The following RSF1 variants were observed in gnomAD, a reference collection of about 807,000 sequenced individuals.
RSF1 encodes HBV pX-associated protein 8.
In RSF1, 13 loss-of-function variants were observed where a neutral mutation model predicts 145.2. The observed-to-expected ratio is 0.09, with a 90% confidence interval of 0.06 to 0.14. The LOEUF is 0.14. Among genes scored for constraint, RSF1 ranks in the 10% least tolerant of loss-of-function variants. RSF1 has a pLI of 1.00. For synonymous variants in RSF1, 577 were observed against 592.6 expected, an observed-to-expected ratio of 0.97 and a Z score of 0.38; for missense variants, 1,517 against 1,718.2, an observed-to-expected ratio of 0.88 and a Z score of 2.07.
chr11:77,801,147 G>A (rs1012534807), intron 1 of RSF1, among the ~76,000 whole-genome samples: 10 of 152,140 alleles, frequency 6.6e-5, no homozygotes, highest in African/African-American at 2.2e-4. Context: ...CATGGTTGGG[G>A]CTGGGCTCAG....
chr11:77,845,409 G>A, the RSF1 span, among the ~76,000 whole-genome samples: 1 of 151,540 alleles, frequency 6.6e-6, no homozygotes, highest in South Asian at 2.1e-4. Flanking sequence ...GTACTTTCCA[G>A]CTCCAGAATT....
intron 1 of RSF1, among the ~76,000 whole-genome samples, chr11:77,797,873 G>C (rs369582398): frequency 6.6e-6 from 1 of 152,120 alleles, no homozygotes; most frequent in African/African-American, 2.4e-5. Flanking sequence ...CTTCTCAAAA[G>C]AAGACATTTA....
chr11:77,784,697 T>C (rs1948437312), intron 1 of RSF1, among the ~76,000 whole-genome samples: 1 of 152,214 alleles, frequency 6.6e-6, no homozygotes, highest in Non-Finnish European at 1.5e-5. Flanking sequence ...CTTATCTTTT[T>C]AAGGCCTTTT....
intron 5 of RSF1, among the ~76,000 whole-genome samples, chr11:77,707,296 T>C (rs991728272): frequency 6.6e-6 from 1 of 152,208 alleles, no homozygotes; most frequent in African/African-American, 2.4e-5. Flanking sequence ...ATAACATCAA[T>C]ACTTTTCATG....
chr11:77,846,072 C>T, the RSF1 span, among the ~76,000 whole-genome samples: 1 of 152,054 alleles, frequency 6.6e-6, no homozygotes, highest in Non-Finnish European at 1.5e-5. Flanking sequence ...ATCAACTCCC[C>T]CTCCCATTCT....
At chr11:77,760,436 C>G (rs1373527155) in intron 2 of RSF1, among the ~76,000 whole-genome samples, 1 of 152,144 alleles carries the variant, frequency 6.6e-6, no homozygotes, top group African/African-American at 2.4e-5. Context: ...TGATTGATAA[C>G]AGATACAAGG....
At chr11:77,682,916 A>T (rs1214468620) in intron 11 of RSF1, among the ~76,000 whole-genome samples, 3 of 152,204 alleles carry the variant, frequency 2.0e-5, no homozygotes, top group Non-Finnish European at 4.4e-5. Flanking sequence ...AAATGCAGAG[A>T]GTGTAAGGGA....
intron 15 of RSF1, among the ~76,000 whole-genome samples, chr11:77,670,465 T>C (rs1050979386): frequency 6.6e-6 from 1 of 152,168 alleles, no homozygotes; most frequent in African/African-American, 2.4e-5. Context: ...TTCTCCTTTA[T>C]TTTTTTCCAA....
At chr11:77,690,352 A>G (rs1405512102) in intron 9 of RSF1, among the ~76,000 whole-genome samples, 2 of 152,148 alleles carry the variant, frequency 1.3e-5, no homozygotes, top group Non-Finnish European at 2.9e-5. Context: ...ACCAGTTCTT[A>G]TAGTTTTTTT....
At chr11:77,747,011 CTG>C in intron 3 of RSF1, 23 bp downstream of exon 3, 2 of 1,396,406 alleles carry the variant, frequency 1.4e-6, no homozygotes, top group South Asian at 1.2e-5. Context: ...ATTAAAATAA[CTG>C]TAACAAATAA....
chr11:77,819,191 A>G (rs906865691), intron 1 of RSF1, among the ~76,000 whole-genome samples: 2 of 152,258 alleles, frequency 1.3e-5, no homozygotes, highest in African/African-American at 4.8e-5. Flanking sequence ...GGAAACAGCT[A>G]TCTGTCTTGT....
intron 2 of RSF1, among the ~76,000 whole-genome samples, chr11:77,750,065 G>A (rs1009690368): frequency 6.6e-6 from 1 of 151,576 alleles, no homozygotes; most frequent in Non-Finnish European, 1.5e-5. Flanking sequence ...TTTCTTTAAG[G>A]GCAATTTAGA....
At chr11:77,708,161 T>C (rs984352416) in intron 5 of RSF1, among the ~76,000 whole-genome samples, 2 of 152,196 alleles carry the variant, frequency 1.3e-5, no homozygotes, top group African/African-American at 4.8e-5. Flanking sequence ...GGCTCACGCC[T>C]GTAATCCCAG....
intron 13 of RSF1, among the ~76,000 whole-genome samples, chr11:77,676,230 T>C (rs1345793176): frequency 6.6e-6 from 1 of 152,228 alleles, no homozygotes; most frequent in Admixed American, 6.5e-5. Flanking sequence ...CTTTCCTCTG[T>C]AGCCTAATTT....
upstream of RSF1, among the ~76,000 whole-genome samples, chr11:77,822,434 AAG>A (rs1555004652): frequency 2.0e-5 from 3 of 151,272 alleles, no homozygotes; most frequent in Non-Finnish European, 2.9e-5. Flanking sequence ...AAAAAAAAAA[AAG>A]AATTTGAAGC....
At chr11:77,669,033 C>A (rs187701938) in intron 15 of RSF1, among the ~76,000 whole-genome samples, 2 of 152,274 alleles carry the variant, frequency 1.3e-5, no homozygotes, top group African/African-American at 4.8e-5. Flanking sequence ...TAAAACTGGG[C>A]TCCTAAACTT....
intron 1 of RSF1, among the ~76,000 whole-genome samples, chr11:77,785,745 G>A (rs1292462525): frequency 1.4e-5 from 2 of 146,874 alleles, no homozygotes; most frequent in Non-Finnish European, 1.5e-5. Context: ...GTGAAACCCC[G>A]TCTCTACTGA....
At chr11:77,780,681 C>T (rs1445775064) in intron 1 of RSF1, among the ~76,000 whole-genome samples, 8 of 151,922 alleles carry the variant, frequency 5.3e-5, no homozygotes, top group African/African-American at 1.7e-4. Context: ...AAAAATTAGC[C>T]GCGTGTGGTG....
chr11:77,686,453 A>G (rs1960010273), intron 9 of RSF1, among the ~76,000 whole-genome samples: 1 of 140,646 alleles, frequency 7.1e-6, no homozygotes, highest in Non-Finnish European at 1.5e-5. Context: ...TGGTTCTCTC[A>G]AAGTTAATCC....
Sources: allele counts gnomAD v4.1 joint callset (sites outside exome capture counted in the v4.1 genomes callset), GRCh38; gene constraint gnomAD v4.1.1; transcripts MANE v1.5; gene names NCBI Gene and HGNC (gene_info 2026-07-23, HGNC 2026-07-21).